RORA: variants seen among roughly 807,000 people sequenced by gnomAD.
The protein encoded by RORA is RAR related orphan receptor A, also known as nuclear receptor ROR-alpha.
A neutral mutation model predicts 69.5 loss-of-function variants in RORA; 7 were observed. That is an observed-to-expected ratio of 0.10 (90% CI 0.06 to 0.19). The LOEUF is 0.19. Ranked by LOEUF, RORA falls within the 10% of genes least tolerant of loss-of-function variation. The pLI, the probability that RORA is intolerant of heterozygous loss-of-function variation, is 1.00. For missense variants in RORA, 457 were observed against 663.0 expected (o/e 0.69, Z 3.41); for synonymous variants, 261 against 240.8 (o/e 1.08, Z -0.78).
intron 1 of RORA, among the ~76,000 whole-genome samples, chr15:60,902,389 T>C (rs1363859335): frequency 6.6e-6 from 1 of 152,122 alleles, no homozygotes; most frequent in Non-Finnish European, 1.5e-5. Context: ...TCATCTGAGA[T>C]GAAGACAGGA....
chr15:60,516,271 T>A (rs1455018505), intron 3 of RORA, among the ~76,000 whole-genome samples: 12 of 72,384 alleles, frequency 1.7e-4, no homozygotes, highest in East Asian at 1.2e-3. Flanking sequence ...ATTTATATAT[T>A]TTTTTTGGTC....
intron 1 of RORA, among the ~76,000 whole-genome samples, chr15:61,053,464 C>T (rs866067649): frequency 1.3e-5 from 2 of 151,980 alleles, no homozygotes. Flanking sequence ...CGAGAAGGCA[C>T]GGGGTTGTGA....
intron 1 of RORA, among the ~76,000 whole-genome samples, chr15:60,722,695 A>G (rs1001939581): frequency 1.3e-5 from 2 of 152,202 alleles, no homozygotes; most frequent in Non-Finnish European, 2.9e-5. Context: ...CTCACAAACA[A>G]GGCTGGACTC....
At chr15:60,993,644 C>CAAAAAAAAA (rs3053932) in intron 1 of RORA, among the ~76,000 whole-genome samples, 6 of 83,044 alleles carry the variant, frequency 7.2e-5, no homozygotes, top group East Asian at 4.2e-4. Flanking sequence ...CTCTCCATCT[C>CAAAAAAAAA]AAAAAAAAAA....
At chr15:60,729,102 C>G (rs1180321412) in intron 1 of RORA, among the ~76,000 whole-genome samples, 1 of 152,116 alleles carries the variant, frequency 6.6e-6, no homozygotes, top group Non-Finnish European at 1.5e-5. Context: ...GAAGCTGATG[C>G]TGATATTTAC....
In RORA at chr15:61,073,805, T is replaced by G. The variant is rs750778829; in HGVS notation, c.166+155248A>C. 7.4e-4 allele frequency among the ~76,000 whole-genome samples: 113 copies of G among 152,336 alleles called. 1 individual carries two copies. The highest frequency in any genetic ancestry group is 3.4e-3 in the Middle Eastern group (1 of 294). ...TAAAAGAAAAAAAGATGTTGGGGTT[T>G]TCTGGAGTTACTCAATTTCTCCACA... On this transcript the variant is annotated intron_variant, in intron 1 of 10. Coordinates refer to ENST00000335670, the MANE Select transcript of RORA (RefSeq NM_134261.3).
intron 1 of RORA, among the ~76,000 whole-genome samples, chr15:61,160,211 A>G (rs1208174276): frequency 6.6e-6 from 1 of 152,216 alleles, no homozygotes; most frequent in East Asian, 1.9e-4. Context: ...ACTTCAAACA[A>G]ACAAAAAATA....
At chr15:60,948,467 T>C (rs779952948) in intron 1 of RORA, among the ~76,000 whole-genome samples, 3 of 152,158 alleles carry the variant, frequency 2.0e-5, no homozygotes, top group Non-Finnish European at 4.4e-5. Context: ...ACTCAACAAA[T>C]AGTAACTAAA....
chr15:60,887,475 G>T (rs2073764477), intron 1 of RORA, among the ~76,000 whole-genome samples: 1 of 152,136 alleles, frequency 6.6e-6, no homozygotes. Context: ...TGAAGCAAAT[G>T]TGACATATTA....
At chr15:60,831,919 A>C (rs2073047630) in intron 1 of RORA, among the ~76,000 whole-genome samples, 1 of 152,208 alleles carries the variant, frequency 6.6e-6, no homozygotes, top group African/African-American at 2.4e-5. Context: ...AAAAAGGTGA[A>C]GTGGCAGCTA....
intron 2 of RORA, among the ~76,000 whole-genome samples, chr15:60,620,423 T>A (rs1161964924): frequency 6.6e-6 from 1 of 152,194 alleles, no homozygotes; most frequent in African/African-American, 2.4e-5. Context: ...TGAGTTCTTA[T>A]GTGTTAAGTG....
intron 2 of RORA, among the ~76,000 whole-genome samples, chr15:60,553,646 C>A (rs2067282103): frequency 6.6e-6 from 1 of 152,152 alleles, no homozygotes; most frequent in African/African-American, 2.4e-5. Context: ...TCTACCCTAC[C>A]CCTATCTGCC....
intron 2 of RORA, among the ~76,000 whole-genome samples, chr15:60,562,769 G>A (rs1391493155): frequency 6.6e-6 from 1 of 151,888 alleles, no homozygotes; most frequent in African/African-American, 2.4e-5. Context: ...AGAGATAGGG[G>A]TCTTGCTATG....
At chr15:60,605,650 C>T (rs574855848) in intron 2 of RORA, among the ~76,000 whole-genome samples, 1 of 152,234 alleles carries the variant, frequency 6.6e-6, no homozygotes, top group African/African-American at 2.4e-5. Context: ...CATGATGACT[C>T]ACTGACAAAG....
intron 1 of RORA, among the ~76,000 whole-genome samples, chr15:60,956,651 G>C (rs761449458): frequency 3.3e-5 from 5 of 152,204 alleles, no homozygotes; most frequent in Non-Finnish European, 7.3e-5. Flanking sequence ...TAGCTGCTTA[G>C]CAGTATATTA....
rs2078176137 is a variant in RORA at position 61,061,010 on chromosome 15, A to G, written c.166+168043T>C. ...AAAAGCAGGTATCCTCAAAGTCCTC[A>G]CGGCTGAAGAAGGAGCTGCTGTTCT... On this transcript the variant is annotated intron_variant, in intron 1 of 10. Transcript: ENST00000335670. The surrounding 1 kb of genome is among the most constrained non-coding windows in gnomAD (Gnocchi z 4.4). Among the ~76,000 whole-genome samples, 2 of 152,164 alleles carry G rather than the reference A, an allele frequency of 1.3e-5. No homozygotes were observed. Among genetic ancestry groups the G allele is most frequent in the African/African-American group, 2.4e-5 (1 of 41,436 alleles).
intron 1 of RORA, among the ~76,000 whole-genome samples, chr15:61,141,492 G>T (rs928983393): frequency 6.6e-6 from 1 of 152,126 alleles, no homozygotes; most frequent in Non-Finnish European, 1.5e-5. Flanking sequence ...TAATCCCACT[G>T]ACCAGCATGA....
chr15:60,801,973 TA>T (rs1372050852), intron 1 of RORA, among the ~76,000 whole-genome samples: 4 of 152,204 alleles, frequency 2.6e-5, no homozygotes, highest in African/African-American at 9.7e-5. Context: ...TTACTGATGT[TA>T]TAGATGTGGA....
chr15:61,155,642 G>T (rs1489256624), intron 1 of RORA, among the ~76,000 whole-genome samples: 1 of 152,186 alleles, frequency 6.6e-6, no homozygotes, highest in Non-Finnish European at 1.5e-5. Flanking sequence ...GAAAGATTAA[G>T]CAAAATAATA....
Sources: allele counts gnomAD v4.1 joint callset (sites outside exome capture counted in the v4.1 genomes callset), GRCh38; gene constraint gnomAD v4.1.1; non-coding constraint Gnocchi (gnomAD v3.1); transcripts MANE v1.5; gene names NCBI Gene and HGNC (gene_info 2026-07-23, HGNC 2026-07-21).